RRM1: variants seen among roughly 807,000 people sequenced by gnomAD.
RRM1 encodes ribonucleotide reductase catalytic subunit M1, also known as ribonucleoside-diphosphate reductase large subunit.
RRM1 carries 19 observed loss-of-function variants against 101.5 expected under a neutral mutation model. That is an observed-to-expected ratio of 0.19 (90% CI 0.13 to 0.27). The LOEUF (loss-of-function observed/expected upper bound fraction) is 0.27, where lower values mean the gene tolerates loss of function less well. Among genes scored for constraint, RRM1 ranks in the 10% least tolerant of loss-of-function variants. RRM1 has a pLI of 1.00. For synonymous variants in RRM1, 298 were observed against 323.4 expected (o/e 0.92, Z 0.84); for missense variants, 500 against 962.9 (o/e 0.52, Z 6.36).
chr11:4,095,125 G>A lies in RRM1; in HGVS notation c.19+94G>A, dbSNP rs2094541656. ...CCCAGACCGCCCGCCCGCCTTCGCT[G>A]CTTCCCGCCTTTCCCGCATTTCCCG... On this transcript the variant is annotated intron_variant, in intron 1 of 18. Coordinates refer to ENST00000300738, the MANE Select transcript of RRM1 (RefSeq NM_001033.5). 8 of 1,417,226 alleles carry A rather than the reference G, an allele frequency of 5.6e-6. No individual in the cohort carries two copies. The South Asian group carries it at 9.9e-5, about 18-fold the overall frequency. The allele number at this position is 1,417,226 out of a possible 1,614,324, so 87.8% of individuals were successfully genotyped here.
In RRM1 at chr11:4,130,093, T is replaced by A. The variant is rs1395214958; in HGVS notation, c.1769+943T>A. ...ATATATATATATATATATATTTTTT[T>A]TTTTTTTTTTTCCCCTCAAAATACT... On this transcript the variant is annotated intron_variant, in intron 15 of 18. Coordinates refer to ENST00000300738, the MANE Select transcript of RRM1 (RefSeq NM_001033.5). Among the ~76,000 whole-genome samples the A allele has an allele frequency of 4.9e-3, 572 of 115,740 alleles. 3 individuals are homozygous for A. Among genetic ancestry groups the A allele is most frequent in the East Asian group, 9.6e-3 (32 of 3,330 alleles). 75.9% of individuals were successfully genotyped at this position (115,740 alleles called of 152,430 possible). A position where few individuals can be genotyped will look rare whatever the true frequency, so the allele number is the denominator to read the frequency against.
At chr11:4,131,407 T>C (rs1028299692) in intron 15 of RRM1, among the ~76,000 whole-genome samples, 1 of 152,152 alleles carries the variant, frequency 6.6e-6, no homozygotes, top group Admixed American at 6.5e-5. Flanking sequence ...TCCGTCAGGA[T>C]ATGAGGCTGT....
chr11:4,136,400 A>G (rs906977967), intron 18 of RRM1, among the ~76,000 whole-genome samples: 3 of 151,664 alleles, frequency 2.0e-5, no homozygotes, highest in African/African-American at 7.3e-5. Flanking sequence ...TTGTATTTTT[A>G]TTAGAGATGG....
chr11:4,121,173 G>T (rs1378221988), intron 9 of RRM1, among the ~76,000 whole-genome samples: 1 of 152,168 alleles, frequency 6.6e-6, no homozygotes, highest in African/African-American at 2.4e-5. Flanking sequence ...TCGCTTGTTG[G>T]TTTATGAATT....
intron 1 of RRM1, 72 bp downstream of exon 1, chr11:4,095,103 A>AGCCCGCCC (rs1236403456): frequency 7.5e-7 from 1 of 1,341,266 alleles, no homozygotes; most frequent in South Asian, 1.2e-5. Context: ...GCTGATGCCC[A>AGCCCGCCC]GACCGCCCGC....
In RRM1 at chr11:4,130,084, ATATTT is replaced by A. The variant is rs1191700350; in HGVS notation, c.1769+936_1769+940del. On this transcript the variant is annotated intron_variant, in intron 15 of 18. Coordinates refer to ENST00000300738, the MANE Select transcript of RRM1 (RefSeq NM_001033.5). Reference sequence around the variant, plus strand: ...ACTGTATTTATATATATATATATATATATTTTTTTTTTTTTTTTTTCCCCTCAAAA... The same window carrying A: ...ACTGTATTTATATATATATATATATATTTTTTTTTTTTTTTCCCCTCAAAA... Among the ~76,000 whole-genome samples, 783 of 97,964 alleles carry A rather than the reference ATATTT, an allele frequency of 8.0e-3. 17 individuals are homozygous for A. Among genetic ancestry groups the A allele is most frequent in the African/African-American group, 0.039 (732 of 18,564 alleles). The allele number at this position is 97,964 out of a possible 152,430, so 64.3% of individuals were successfully genotyped here.
At position 4,135,184 on chromosome 11, in the gene RRM1, A is replaced by G. The variant is rs773415289; in HGVS notation, c.2104A>G (p.Ile702Val). The G allele has an allele frequency of 5.6e-6, 9 of 1,613,782 alleles. No individual in the cohort carries two copies. The highest frequency in any genetic ancestry group is 7.6e-6 in the Non-Finnish European group (9 of 1,179,878). Residue 702 changes from isoleucine (I) to valine (V), a missense_variant, in exon 18 of 19, where the codon ATT becomes GTT. Coordinates refer to ENST00000300738, the MANE Select transcript of RRM1 (RefSeq NM_001033.5). ...LKMAAERGAF[I>V]DQSQSLNIHI... ...GATGGCAGCTGAGAGAGGTGCTTTC[A>G]TTGATCAAAGCCAATCTTTGAACAT...
At chr11:4,131,354 A>T (rs1300706635) in intron 15 of RRM1, among the ~76,000 whole-genome samples, 1 of 152,106 alleles carries the variant, frequency 6.6e-6, no homozygotes, top group Non-Finnish European at 1.5e-5. Context: ...TCAAGATGAG[A>T]TTTGGGTGGG....
chr11:4,129,110 G>A lies in RRM1; in HGVS notation c.1729G>A (p.Asp577Asn), dbSNP rs780980889. The A allele has an allele frequency of 6.2e-7, 1 of 1,605,310 alleles. No individual in the cohort carries two copies. Among genetic ancestry groups the A allele is most frequent in the South Asian group, 1.1e-5 (1 of 90,288 alleles). The change falls in exon 15 of 19, where the codon GAC (aspartate) becomes AAC (asparagine). Residue 577 changes from aspartate to asparagine, a missense_variant. By Grantham distance (23) the Asp-to-Asn change is conservative. This residue lies in a region of RRM1 where 106 missense variants were observed against 138.1 expected (regional missense o/e 0.77). Transcript: ENST00000300738. ...QYDMWNVTPT[D>N]LWDWKVLKEK... Reference sequence around the variant, plus strand: ...TGATATGTGGAATGTTACTCCTACAGACCTATGGGACTGGAAGGTTCTCAA... The same window carrying A: ...TGATATGTGGAATGTTACTCCTACAAACCTATGGGACTGGAAGGTTCTCAA...
At chr11:4,129,040 G>A (rs766773202) in intron 14 of RRM1, 34 bp from the exon 15 acceptor site, 4 of 1,092,098 alleles carry the variant, frequency 3.7e-6, no homozygotes, top group African/African-American at 3.3e-5. Context: ...GTTTTAACTT[G>A]CTGTAGAATA....
rs997073409 is a variant in RRM1 at position 4,111,760 on chromosome 11, T to G, written c.487+120T>G. The stretch of plus-strand genomic sequence containing the variant: ...TAGATAACATTTTGGACTTTAGGTT[T>G]AGTTTGTGGATAATTGTCCTGTTTA... On this transcript the variant is annotated intron_variant, in intron 6 of 18. Coordinates refer to ENST00000300738, the MANE Select transcript of RRM1 (RefSeq NM_001033.5). 7 of 1,201,950 alleles carry G rather than the reference T, an allele frequency of 5.8e-6. No homozygotes were observed. In the African/African-American group the frequency reaches 7.7e-5, roughly 13 times the overall value. 74.5% of individuals were successfully genotyped at this position (1,201,950 alleles called of 1,614,324 possible). A position where few individuals can be genotyped will look rare whatever the true frequency, so the allele number is the denominator to read the frequency against.
At chr11:4,111,550 C>T (rs377260439) in intron 5 of RRM1, 51 bp from the exon 6 acceptor site, 26 of 1,365,090 alleles carry the variant, frequency 1.9e-5, no homozygotes, top group South Asian at 5.2e-5. Flanking sequence ...ATATCCACTG[C>T]GTCTTTAAAA....
At chr11:4,108,898 T>C (rs2094561849) in intron 4 of RRM1, among the ~76,000 whole-genome samples, 7 of 152,214 alleles carry the variant, frequency 4.6e-5, no homozygotes, top group Admixed American at 4.6e-4. Context: ...TATAGGTTTT[T>C]CTAGTCCTTA....
intron 12 of RRM1, among the ~76,000 whole-genome samples, chr11:4,126,211 C>CTCTG (rs2094589220): frequency 6.6e-6 from 1 of 152,212 alleles, no homozygotes; most frequent in Non-Finnish European, 1.5e-5. Context: ...TTTTGAAGAA[C>CTCTG]TCTGCAGTGA....
chr11:4,129,618 A>G (rs900274116), intron 15 of RRM1, among the ~76,000 whole-genome samples: 1 of 152,152 alleles, frequency 6.6e-6, no homozygotes, highest in African/African-American at 2.4e-5. Context: ...TATGAAAAAA[A>G]AATTTTTAAA....
chr11:4,123,213 T>C lies in RRM1; in HGVS notation c.1149T>C (p.Val383=), dbSNP rs776744419. The C allele has an allele frequency of 6.2e-7, 1 of 1,614,140 alleles. No individual in the cohort carries two copies. The highest frequency in any genetic ancestry group is 8.5e-7 in the Non-Finnish European group (1 of 1,180,004). Reference sequence around the variant, plus strand: ...AGAAACAAGGTCGTGTCCGCAAAGTTGTAAAAGCTCAGCAGCTTTGGTATG... The same window carrying C: ...AGAAACAAGGTCGTGTCCGCAAAGTCGTAAAAGCTCAGCAGCTTTGGTATG... The part of the protein sequence containing the change: ...SYEKQGRVRK[V]VKAQQLWYAI... The change falls in exon 12 of 19, where the codon GTT becomes GTC. Residue 383 remains valine, a synonymous_variant. Transcript: ENST00000300738.
chr11:4,116,939 C>A lies in RRM1; in HGVS notation c.651-1381C>A, dbSNP rs1694652255. Among the ~76,000 whole-genome samples, 5 of 151,296 alleles carry A rather than the reference C, an allele frequency of 3.3e-5. No homozygotes were observed. In the South Asian group the frequency reaches 1.0e-3, roughly 32 times the overall value. On this transcript the variant is annotated intron_variant, in intron 7 of 18. Transcript: ENST00000300738. ...CTATGATCATGCCACTGCACTCCAG[C>A]CTGGGTAACAGAGTTAAACCCTGTC... is the stretch of plus-strand genomic sequence containing the variant.
intron 11 of RRM1, among the ~76,000 whole-genome samples, chr11:4,122,599 G>T (rs576019884): frequency 9.6e-4 from 146 of 152,266 alleles, no homozygotes; most frequent in Admixed American, 2.7e-3. Context: ...TAGGTCAGGT[G>T]CAGTGGCTCA....
rs1468889651 is a variant in RRM1 at position 4,132,130 on chromosome 11, G to A, written c.1770-156G>A. On this transcript the variant is annotated intron_variant, in intron 15 of 18. Transcript: ENST00000300738. The surrounding 1 kb of genome is among the most constrained non-coding windows in gnomAD (Gnocchi z 4.1). ...ACTGTGGAATTGCCTCCCTGTAGGAGTTTAATTTGAAAGTCAACGTGTGAG... is the reference window on the plus strand; with the variant it reads ...ACTGTGGAATTGCCTCCCTGTAGGAATTTAATTTGAAAGTCAACGTGTGAG... Among the ~76,000 whole-genome samples the A allele has an allele frequency of 6.6e-6, 1 of 152,224 alleles. No individual in the cohort carries two copies. The highest frequency in any genetic ancestry group is 2.4e-5 in the African/African-American group (1 of 41,462).
Sources: gnomAD v4.1 joint callset for allele counts (sites outside exome capture counted in the v4.1 genomes callset) on GRCh38, gnomAD v4.1.1 for gene constraint, gnomAD v4.1.1 regional missense constraint, Gnocchi (gnomAD v3.1) non-coding constraint, MANE v1.5 for transcripts, NCBI Gene and HGNC (gene_info 2026-07-23, HGNC 2026-07-21) for gene names.